Variants in FAN1 observed in about 807,000 individuals in gnomAD.
The protein encoded by FAN1 is fanconi-associated nuclease 1.
In FAN1, 91 loss-of-function variants were observed where a neutral mutation model predicts 104.9. That is an observed-to-expected ratio of 0.87 (90% CI 0.73 to 1.03). The LOEUF is 1.03. Ranked by LOEUF, FAN1 falls within the 50% of genes least tolerant of loss-of-function variation. The pLI, the probability that FAN1 is intolerant of heterozygous loss-of-function variation, is 0.00. For missense variants in FAN1, 1,263 were observed against 1,239.9 expected, an observed-to-expected ratio of 1.02 and a Z score of -0.28; for synonymous variants, 478 against 457.6, an observed-to-expected ratio of 1.04 and a Z score of -0.57.
At chr15:30,925,062 C>T in intron 8 of FAN1, 65 bp from the exon 9 acceptor site, 1 of 1,516,058 alleles carries the variant, frequency 6.6e-7, no homozygotes, top group African/African-American at 1.4e-5. Flanking sequence ...TTCTGTCAAA[C>T]TAAATGCATG....
At chr15:30,910,869 T>A (rs759411228) in intron 4 of FAN1, 54 bp downstream of exon 4, 3 of 1,557,154 alleles carry the variant, frequency 1.9e-6, no homozygotes, top group Admixed American at 3.8e-5. Context: ...TAGCACATAT[T>A]AACTTACAGT....
intron 13 of FAN1, among the ~76,000 whole-genome samples, chr15:30,932,879 ATT>A (rs774762002): frequency 3.6e-5 from 5 of 139,310 alleles, no homozygotes; most frequent in Non-Finnish European, 4.7e-5. Context: ...TGCCTGGATA[ATT>A]TTTTTTTTTT....
chr15:30,927,546 C>T (rs2062495848), intron 10 of FAN1: 1 of 985,600 alleles, frequency 1.0e-6, no homozygotes, highest in Non-Finnish European at 1.2e-6. Flanking sequence ...GCTTCCTGCC[C>T]TCTGCTCTCA....
intron 6 of FAN1, among the ~76,000 whole-genome samples, chr15:30,918,782 A>C (rs140986939): frequency 8.1e-4 from 124 of 152,340 alleles, no homozygotes; most frequent in African/African-American, 2.9e-3. Context: ...ATATTTATTA[A>C]GACATTTTTT....
At chr15:30,933,687 T>C (rs909632750) in intron 13 of FAN1, among the ~76,000 whole-genome samples, 9 of 152,226 alleles carry the variant, frequency 5.9e-5, no homozygotes, top group Non-Finnish European at 1.0e-4. Flanking sequence ...TGATTTCTTA[T>C]TTACTTGTTC....
rs35131914 is a variant in FAN1, at chr15:30,914,322, C to CT, written c.1811+233dup. Among the ~76,000 whole-genome samples, 99,474 of 151,958 alleles carry CT rather than the reference C, an allele frequency of 0.65. 33,139 individuals carry two copies. The highest frequency in any genetic ancestry group is 0.98 in the East Asian group (5,095 of 5,178). On this transcript the variant is annotated intron_variant, in intron 5 of 14. Transcript: ENST00000362065. ...GAATTTTGAGTTAGAACTACAAAAA[C>CT]TTCTCTGGTTTATGTTTCCAAGTAC...
chr15:30,907,911 A>G (rs1235417090), intron 2 of FAN1, among the ~76,000 whole-genome samples: 4 of 152,234 alleles, frequency 2.6e-5, no homozygotes, highest in Admixed American at 2.6e-4. Flanking sequence ...TGATGTCTAG[A>G]AAATGGGGAA....
At chr15:30,937,949 A>G (rs977362497) in intron 14 of FAN1, among the ~76,000 whole-genome samples, 16 of 151,066 alleles carry the variant, frequency 1.1e-4, no homozygotes, top group African/African-American at 3.9e-4. Flanking sequence ...TGGGAGGCTG[A>G]GCGAGGCAGG....
At chr15:30,936,161 C>T (rs142904762) in intron 13 of FAN1, among the ~76,000 whole-genome samples, 2 of 152,170 alleles carry the variant, frequency 1.3e-5, no homozygotes, top group African/African-American at 4.8e-5. Context: ...GTGAACAAAA[C>T]ACACAATTCT....
In FAN1 at chr15:30,905,801, C is replaced by T. The variant is rs748277180; in HGVS notation, c.1138C>T (p.Leu380Phe). 16 of 1,614,180 alleles carry T rather than the reference C, an allele frequency of 9.9e-6. No individual in the cohort carries two copies. The highest frequency in any genetic ancestry group is 1.3e-5 in the Non-Finnish European group (15 of 1,180,024). ...TCATCCTTACTACCTTCGGAGTTTC[C>T]TTGTGGTGCTGAAAACCGTACTTGA... Reference protein sequence around the residue: ...TGHPYYLRSFLVVLKTVLENE... With the variant: ...TGHPYYLRSFFVVLKTVLENE... The change falls in exon 2 of 15, where the codon CTT (leucine) becomes TTT (phenylalanine). Residue 380 changes from leucine to phenylalanine, a missense_variant. Leu to Phe is a conservative substitution (Grantham distance 22). Transcript: ENST00000362065.
chr15:30,909,216 G>A (rs934428654), intron 3 of FAN1, among the ~76,000 whole-genome samples: 2 of 152,152 alleles, frequency 1.3e-5, no homozygotes, highest in Non-Finnish European at 2.9e-5. Flanking sequence ...CAAAATAAGC[G>A]AATCAGCCAG....
At chr15:30,939,851 G>T (rs1336868429) in intron 14 of FAN1, 2 of 985,092 alleles carry the variant, frequency 2.0e-6, no homozygotes, top group Non-Finnish European at 2.4e-6. Flanking sequence ...AATTCTATTT[G>T]TATAAACTGA....
At chr15:30,907,555 CA>C (rs1000952816) in intron 2 of FAN1, among the ~76,000 whole-genome samples, 2 of 150,978 alleles carry the variant, frequency 1.3e-5, no homozygotes, top group Admixed American at 6.6e-5. Flanking sequence ...AAAAAACAAC[CA>C]AAAAAAACAA....
intron 14 of FAN1, chr15:30,940,280 T>C (rs1231406339): frequency 4.4e-6 from 4 of 913,720 alleles, no homozygotes; most frequent in Non-Finnish European, 5.1e-6. Context: ...GGAAATACTT[T>C]ACTTTAGAGA....
At chr15:30,907,283 C>T (rs2062001958) in intron 2 of FAN1, among the ~76,000 whole-genome samples, 1 of 151,858 alleles carries the variant, frequency 6.6e-6, no homozygotes, top group South Asian at 2.1e-4. Flanking sequence ...TTTGGGAGGC[C>T]CAGGTGGGCA....
At chr15:30,911,580 C>T (rs1458161399) in intron 4 of FAN1, 6 of 961,278 alleles carry the variant, frequency 6.2e-6, no homozygotes, top group Admixed American at 1.2e-4. Context: ...GAAAAAAGCT[C>T]GTGTTATAGA....
rs1595821880 is a variant in FAN1, at chr15:30,905,259, T to C, written c.596T>C (p.Ile199Thr). ...AGCCTGATTGATAACTCTTCAGAAA[T>C]TGAGGACGAGGATCAAATTTTGGAG... Reference protein sequence around the residue: ...VKSLIDNSSEIEDEDQILENS... With the variant: ...VKSLIDNSSETEDEDQILENS... Residue 199 changes from isoleucine (I) to threonine (T), a missense_variant, in exon 2 of 15, where the codon ATT (isoleucine) becomes ACT (threonine). Around this residue, in one of 2 missense-constraint regions of FAN1, gnomAD observed 682 missense variants for 571.1 expected, o/e 1.19. Transcript: ENST00000362065. 6.2e-6 allele frequency: 10 copies of C among 1,613,944 alleles called. No individual in the cohort carries two copies. Among genetic ancestry groups the C allele is most frequent in the East Asian group, 2.2e-5 (1 of 44,880 alleles).
Position 30,937,258 on chromosome 15 carries a change from A to G in FAN1, c.*2A>G, listed in dbSNP as rs1566937386. ...GCTAAGAGCCAAAGCCTTAGCTAAA[A>G]GGTATGGAATTGGGGATATTTGGTC... On this transcript the variant is annotated splice_region_variant and 3_prime_UTR_variant, in exon 14 of 15. Transcript: ENST00000362065. 6.2e-7 allele frequency: 1 copy of G among 1,610,594 alleles called. No homozygotes were observed. Among genetic ancestry groups the G allele is most frequent in the African/African-American group, 1.3e-5 (1 of 74,826 alleles).
At chr15:30,936,017 G>A (rs569935215) in intron 13 of FAN1, among the ~76,000 whole-genome samples, 3 of 151,962 alleles carry the variant, frequency 2.0e-5, no homozygotes, top group Non-Finnish European at 4.4e-5. Context: ...TTTTCTTTAA[G>A]TATTTTTTTT....
Sources: gnomAD v4.1 joint callset for allele counts (sites outside exome capture counted in the v4.1 genomes callset) on GRCh38, gnomAD v4.1.1 for gene constraint, gnomAD v4.1.1 regional missense constraint, MANE v1.5 for transcripts, NCBI Gene and HGNC (gene_info 2026-07-23, HGNC 2026-07-21) for gene names.